ZNF608: variants seen among roughly 807,000 people sequenced by gnomAD.
ZNF608 encodes the protein zinc finger protein 608.
In ZNF608, 12 loss-of-function variants were observed where a neutral mutation model predicts 109.0. The observed-to-expected ratio is 0.11, with a 90% CI of 0.07 to 0.18. The LOEUF (loss-of-function observed/expected upper bound fraction) is 0.18, where lower values mean the gene tolerates loss of function less well. ZNF608 is among the 10% of genes least tolerant of loss of function. The pLI, the probability that ZNF608 is intolerant of heterozygous loss-of-function variation, is 1.00. For missense variants in ZNF608, 1,707 were observed against 1,879.3 expected (o/e 0.91, Z 1.70); for synonymous variants, 732 against 717.4 (o/e 1.02, Z -0.33).
intron 2 of ZNF608, among the ~76,000 whole-genome samples, chr5:124,729,482 C>G (rs1748776403): frequency 6.6e-6 from 1 of 152,184 alleles, no homozygotes; most frequent in African/African-American, 2.4e-5. Context: ...AGGCTAAACA[C>G]TCACATTTAG....
intron 3 of ZNF608, among the ~76,000 whole-genome samples, chr5:124,650,436 C>G (rs207466386): frequency 6.6e-6 from 1 of 152,304 alleles, no homozygotes; most frequent in East Asian, 1.9e-4. Flanking sequence ...AACTTTGGTA[C>G]GCATTTGCCT....
At chr5:124,746,825 G>GGAA, upstream of ZNF608, 1 of 972,844 alleles carries the variant, frequency 1.0e-6, no homozygotes, top group Non-Finnish European at 1.2e-6. Context: ...GGGAGGAGGA[G>GGAA]GAGAAGAAAG....
At chr5:124,709,283 T>A (rs1166149721) in intron 2 of ZNF608, among the ~76,000 whole-genome samples, 1 of 150,516 alleles carries the variant, frequency 6.6e-6, no homozygotes, top group Non-Finnish European at 1.5e-5. Context: ...AGGATCCCTA[T>A]ATGCAGGTCA....
intron 4 of ZNF608, 78 bp from the exon 5 acceptor site, chr5:124,649,211 A>C: frequency 8.0e-7 from 1 of 1,254,838 alleles, no homozygotes; most frequent in Non-Finnish European, 1.1e-6. Context: ...ACAATGCAGT[A>C]AAGAGGAGTC....
At chr5:124,672,134 C>A (rs748390375) in intron 3 of ZNF608, among the ~76,000 whole-genome samples, 3 of 152,118 alleles carry the variant, frequency 2.0e-5, no homozygotes, top group Admixed American at 2.0e-4. Context: ...GTTAAATAAA[C>A]TTGATTTAAC....
At chr5:124,742,941 G>T (rs1749474905) in intron 2 of ZNF608, among the ~76,000 whole-genome samples, 1 of 152,116 alleles carries the variant, frequency 6.6e-6, no homozygotes, top group Non-Finnish European at 1.5e-5. Flanking sequence ...ATGACAGAAA[G>T]CTTGCTTCTG....
intron 3 of ZNF608, among the ~76,000 whole-genome samples, chr5:124,687,718 T>C (rs1752461388): frequency 6.6e-6 from 1 of 152,182 alleles, no homozygotes; most frequent in Admixed American, 6.5e-5. Context: ...TCTGTCATAT[T>C]ATAGTTCATT....
intron 2 of ZNF608, among the ~76,000 whole-genome samples, chr5:124,705,845 G>T (rs1387362527): frequency 6.6e-6 from 1 of 152,106 alleles, no homozygotes. Flanking sequence ...CTAATCTCTA[G>T]TTGCAGCTTT....
At chr5:124,715,129 T>C (rs745521101) in intron 2 of ZNF608, among the ~76,000 whole-genome samples, 8 of 152,214 alleles carry the variant, frequency 5.3e-5, no homozygotes, top group Non-Finnish European at 1.2e-4. Context: ...TCAGCTATTT[T>C]ATAGGGGTAC....
At chr5:124,739,535 T>A (rs1417483230) in intron 2 of ZNF608, among the ~76,000 whole-genome samples, 1 of 152,332 alleles carries the variant, frequency 6.6e-6, no homozygotes, top group Admixed American at 6.5e-5. Context: ...AATAGTCAGA[T>A]CTTTGGAAAA....
intron 3 of ZNF608, among the ~76,000 whole-genome samples, chr5:124,667,596 CCT>C (rs1052406234): frequency 2.4e-4 from 37 of 152,300 alleles, no homozygotes; most frequent in African/African-American, 8.2e-4. Context: ...GACAGACACC[CCT>C]GTCTCTGCCT....
chr5:124,659,731 T>C (rs1271908959), intron 3 of ZNF608, among the ~76,000 whole-genome samples: 2 of 152,222 alleles, frequency 1.3e-5, no homozygotes, highest in African/African-American at 4.8e-5. Context: ...GTAATACAAC[T>C]ACAGATTATA....
At chr5:124,734,306 G>A (rs1749044755) in intron 2 of ZNF608, among the ~76,000 whole-genome samples, 1 of 152,082 alleles carries the variant, frequency 6.6e-6, no homozygotes, top group Non-Finnish European at 1.5e-5. Flanking sequence ...AGTCTTTAAG[G>A]CAAGTAATAA....
chr5:124,715,919 G>A (rs913092482), intron 2 of ZNF608, among the ~76,000 whole-genome samples: 17 of 151,972 alleles, frequency 1.1e-4, no homozygotes, highest in Non-Finnish European at 2.2e-4. Flanking sequence ...CGAGGCGGGC[G>A]GATCACGAGG....
rs1749641250 is a variant in ZNF608, at chr5:124,746,394, G to C, written c.-383C>G. The stretch of plus-strand genomic sequence containing the variant: ...CACCCCCCTTTTGGCAAACGAATCA[G>C]TCCTTTTCTCCTTAAAAAAAATGTG... On this transcript the variant is annotated 5_prime_UTR_variant, in exon 1 of 10. Coordinates refer to ENST00000513986, the MANE Select transcript of ZNF608 (RefSeq NM_020747.3). 2.0e-6 allele frequency: 2 copies of C among 985,072 alleles called. No individual in the cohort carries two copies. The highest frequency in any genetic ancestry group is 2.4e-6 in the Non-Finnish European group (2 of 829,920). The allele number at this position is 985,072 out of a possible 1,614,324, so 61.0% of individuals were successfully genotyped here. A position where few individuals can be genotyped will look rare whatever the true frequency, so the allele number is the denominator to read the frequency against.
At position 124,649,711 on chromosome 5, in the gene ZNF608, G is replaced by A. The variant is rs1481061323; in HGVS notation, c.1163-14C>T. The A allele has an allele frequency of 1.0e-5, 16 of 1,548,368 alleles. No homozygotes were observed. The highest frequency in any genetic ancestry group is 1.3e-5 in the Non-Finnish European group (15 of 1,139,408). On this transcript the variant is annotated splice_polypyrimidine_tract_variant and intron_variant, in intron 3 of 9. Transcript: ENST00000513986. ...CCACTAGGACACCTGCAGGAGGCAG[G>A]GGATGAAAAAGGATCATAGTTACCA...
chr5:124,681,498 C>T (rs1031805370), intron 3 of ZNF608, among the ~76,000 whole-genome samples: 5 of 151,870 alleles, frequency 3.3e-5, no homozygotes, highest in African/African-American at 4.8e-5. Flanking sequence ...CTAGCAACTC[C>T]GGAGGCTGAG....
At chr5:124,706,502 G>C (rs1315740219) in intron 2 of ZNF608, among the ~76,000 whole-genome samples, 1 of 152,164 alleles carries the variant, frequency 6.6e-6, no homozygotes, top group East Asian at 1.9e-4. Context: ...ATCCCTTTCT[G>C]AGGGGAGAAA....
intron 2 of ZNF608, among the ~76,000 whole-genome samples, chr5:124,704,242 A>C (rs1753168288): frequency 6.6e-6 from 1 of 152,116 alleles, no homozygotes; most frequent in Non-Finnish European, 1.5e-5. Context: ...GACAGTTACT[A>C]TTGTTTTGAG....
Sources: allele counts gnomAD v4.1 joint callset (sites outside exome capture counted in the v4.1 genomes callset), GRCh38; gene constraint gnomAD v4.1.1; transcripts MANE v1.5; gene names NCBI Gene and HGNC (gene_info 2026-07-23, HGNC 2026-07-21).